Variants in NAV2 observed in about 807,000 individuals in gnomAD.
NAV2 encodes the protein helicase, APC down-regulated 1.
NAV2 carries 54 observed loss-of-function variants against 223.2 expected under a neutral mutation model. That is an observed-to-expected ratio of 0.24 (90% confidence interval 0.19 to 0.30). The LOEUF (loss-of-function observed/expected upper bound fraction) is 0.30. Ranked by LOEUF, NAV2 falls within the 10% of genes least tolerant of loss-of-function variation. The probability of loss-of-function intolerance (pLI) is 1.00; values close to 1 mark genes in which losing one functional copy is unlikely to be tolerated. For synonymous variants in NAV2, 1,279 were observed against 1,239.3 expected, an observed-to-expected ratio of 1.03 and a Z score of -0.67; for missense variants, 2,806 against 3,147.5, an observed-to-expected ratio of 0.89 and a Z score of 2.60.
intron 1 of NAV2, among the ~76,000 whole-genome samples, chr11:19,588,742 A>G (rs1199652381): frequency 2.6e-5 from 4 of 152,238 alleles, no homozygotes; most frequent in Non-Finnish European, 5.9e-5. Flanking sequence ...GCTAACTGCT[A>G]GGAACAAGCC....
At chr11:19,587,425 T>C (rs1255932121) in intron 1 of NAV2, among the ~76,000 whole-genome samples, 1 of 152,190 alleles carries the variant, frequency 6.6e-6, no homozygotes, top group East Asian at 1.9e-4. Flanking sequence ...ATGAACCTGG[T>C]ACTTCAGTTG....
intron 1 of NAV2, among the ~76,000 whole-genome samples, chr11:19,458,788 C>A (rs1852049030): frequency 2.6e-5 from 4 of 152,216 alleles, no homozygotes; most frequent in Admixed American, 2.6e-4. Flanking sequence ...GCCCCTTGGC[C>A]CCTCATACCA....
intron 1 of NAV2, among the ~76,000 whole-genome samples, chr11:19,578,601 T>C (rs966690712): frequency 6.6e-6 from 1 of 152,362 alleles, no homozygotes; most frequent in Middle Eastern, 3.4e-3. Flanking sequence ...TTCCTCCTAG[T>C]ATACACTCTG....
chr11:19,932,236 C>CAATAAAAAA (rs2045422242), intron 6 of NAV2, among the ~76,000 whole-genome samples: 1 of 78,988 alleles, frequency 1.3e-5, no homozygotes, highest in African/African-American at 6.1e-5. Context: ...CACTCTTAAG[C>CAATAAAAAA]AAAAAAAAAA....
chr11:19,372,202 C>T (rs1848494978), intron 1 of NAV2, among the ~76,000 whole-genome samples: 1 of 152,214 alleles, frequency 6.6e-6, no homozygotes, highest in Non-Finnish European at 1.5e-5. Flanking sequence ...TCACTTCCCC[C>T]TCTGAATGCC....
chr11:19,859,566 C>T (rs1263735300), intron 3 of NAV2, among the ~76,000 whole-genome samples: 5 of 151,882 alleles, frequency 3.3e-5, no homozygotes, highest in Admixed American at 6.5e-5. Context: ...GGCAACCATC[C>T]GATTTCTCAA....
At chr11:19,675,020 A>G (rs558188937) in intron 1 of NAV2, among the ~76,000 whole-genome samples, 25 of 152,210 alleles carry the variant, frequency 1.6e-4, no homozygotes, top group Non-Finnish European at 3.1e-4. Context: ...GAGTGCTTCT[A>G]ATCCGTCCCC....
intron 1 of NAV2, among the ~76,000 whole-genome samples, chr11:19,636,392 G>T (rs1459923326): frequency 6.6e-6 from 1 of 152,146 alleles, no homozygotes; most frequent in Non-Finnish European, 1.5e-5. Context: ...CTCTGGAAGG[G>T]ACCCAGGAGA....
At chr11:19,597,296 G>C (rs1359532422) in intron 1 of NAV2, among the ~76,000 whole-genome samples, 2 of 152,224 alleles carry the variant, frequency 1.3e-5, no homozygotes, top group Non-Finnish European at 2.9e-5. Flanking sequence ...TGATTCAGCT[G>C]TTTTCCTACT....
At chr11:20,088,470 G>T (rs1310338599) in intron 26 of NAV2, among the ~76,000 whole-genome samples, 2 of 152,162 alleles carry the variant, frequency 1.3e-5, no homozygotes, top group African/African-American at 4.8e-5. Flanking sequence ...CCGCCAACCC[G>T]GGCCAAGAAT....
At chr11:19,391,411 A>T (rs894126909) in intron 1 of NAV2, among the ~76,000 whole-genome samples, 4 of 152,146 alleles carry the variant, frequency 2.6e-5, no homozygotes, top group African/African-American at 9.7e-5. Context: ...CTTACATATG[A>T]CTTCATCATC....
chr11:20,018,106 C>A (rs1345622681), intron 11 of NAV2, among the ~76,000 whole-genome samples: 1 of 152,130 alleles, frequency 6.6e-6, no homozygotes, highest in Non-Finnish European at 1.5e-5. Context: ...GTAATCCCAG[C>A]ACTTTGGGAG....
At chr11:19,610,715 T>C (rs1029911396) in intron 1 of NAV2, among the ~76,000 whole-genome samples, 1 of 151,970 alleles carries the variant, frequency 6.6e-6, no homozygotes, top group African/African-American at 2.4e-5. Context: ...GATGGATGGA[T>C]GGATGGATAA....
intron 1 of NAV2, among the ~76,000 whole-genome samples, chr11:19,638,754 G>A (rs1236372291): frequency 6.6e-6 from 1 of 152,148 alleles, no homozygotes; most frequent in African/African-American, 2.4e-5. Context: ...ATACACTTTG[G>A]GAGCCTGAGG....
intron 3 of NAV2, among the ~76,000 whole-genome samples, chr11:19,868,203 T>C (rs2062217288): frequency 6.6e-6 from 1 of 152,188 alleles, no homozygotes; most frequent in Admixed American, 6.5e-5. Flanking sequence ...TGGTACCCGT[T>C]GACATTAATC....
intron 11 of NAV2, among the ~76,000 whole-genome samples, chr11:20,003,252 C>A (rs1293936093): frequency 6.6e-6 from 1 of 152,178 alleles, no homozygotes; most frequent in African/African-American, 2.4e-5. Flanking sequence ...ACATCATAAC[C>A]TGGTGAGAAC....
At chr11:19,489,787 CA>C (rs1316919166) in intron 1 of NAV2, among the ~76,000 whole-genome samples, 1 of 152,150 alleles carries the variant, frequency 6.6e-6, no homozygotes, top group African/African-American at 2.4e-5. Flanking sequence ...GCTTCTCCCC[CA>C]AACTGTTTCC....
At chr11:19,688,383 C>T (rs2049079858) in intron 1 of NAV2, among the ~76,000 whole-genome samples, 1 of 152,184 alleles carries the variant, frequency 6.6e-6, no homozygotes, top group Non-Finnish European at 1.5e-5. Context: ...TGTTCATCCC[C>T]TAACCCCACT....
chr11:20,085,281 C>T (rs1266523414), intron 26 of NAV2, among the ~76,000 whole-genome samples: 1 of 152,004 alleles, frequency 6.6e-6, no homozygotes, highest in Non-Finnish European at 1.5e-5. Flanking sequence ...GTTCATTCTA[C>T]TCCTGAACTT....
Sources: gnomAD v4.1 joint callset for allele counts (sites outside exome capture counted in the v4.1 genomes callset) on GRCh38, gnomAD v4.1.1 for gene constraint, MANE v1.5 for transcripts, NCBI Gene and HGNC (gene_info 2026-07-23, HGNC 2026-07-21) for gene names.